Variants in ATXN7L1 observed in about 807,000 individuals in gnomAD.
ATXN7L1 encodes the protein ataxin-7-like protein 1.
In ATXN7L1, 15 loss-of-function variants were observed where a neutral mutation model predicts 70.8. The observed-to-expected ratio is 0.21, with a 90% confidence interval of 0.14 to 0.33. The LOEUF (loss-of-function observed/expected upper bound fraction) is 0.33, where lower values mean the gene tolerates loss of function less well. ATXN7L1 is among the 10% of genes least tolerant of loss of function. The probability of loss-of-function intolerance (pLI) is 1.00; values close to 1 mark genes in which losing one functional copy is unlikely to be tolerated. For synonymous variants in ATXN7L1, 440 were observed against 445.1 expected, an observed-to-expected ratio of 0.99 and a Z score of 0.14; for missense variants, 975 against 1,097.1, an observed-to-expected ratio of 0.89 and a Z score of 1.57.
At chr7:105,621,594 T>C (rs1276138646) in intron 8 of ATXN7L1, among the ~76,000 whole-genome samples, 2 of 152,230 alleles carry the variant, frequency 1.3e-5, no homozygotes, top group African/African-American at 4.8e-5. Context: ...AGATGTTTAA[T>C]AAACATTTGA....
intron 2 of ATXN7L1, among the ~76,000 whole-genome samples, chr7:105,867,550 T>A (rs1336796670): frequency 6.6e-6 from 1 of 152,160 alleles, no homozygotes; most frequent in Non-Finnish European, 1.5e-5. Context: ...GGAAGAGTCA[T>A]CTTGGGAACT....
intron 7 of ATXN7L1, among the ~76,000 whole-genome samples, chr7:105,633,305 A>T (rs1336570555): frequency 6.6e-6 from 1 of 152,248 alleles, no homozygotes; most frequent in Admixed American, 6.5e-5. Context: ...TGGATCCAGG[A>T]AACAGGCGCT....
intron 2 of ATXN7L1, among the ~76,000 whole-genome samples, chr7:105,843,005 A>G (rs1471138336): frequency 6.6e-6 from 1 of 152,060 alleles, no homozygotes; most frequent in African/African-American, 2.4e-5. Context: ...TAGGTTCTTG[A>G]TATTATGGAA....
chr7:105,773,989 G>A (rs75116381), intron 3 of ATXN7L1, among the ~76,000 whole-genome samples: 1 of 152,240 alleles, frequency 6.6e-6, no homozygotes, highest in African/African-American at 2.4e-5. Flanking sequence ...CCACAGAGGA[G>A]GGCAGCTCTG....
At chr7:105,753,089 A>T (rs1031434005) in intron 3 of ATXN7L1, among the ~76,000 whole-genome samples, 4 of 152,256 alleles carry the variant, frequency 2.6e-5, no homozygotes, top group African/African-American at 9.6e-5. Flanking sequence ...TGTGAGCCAC[A>T]GAGCTGGTGA....
chr7:105,822,942 G>A (rs914105898), intron 2 of ATXN7L1, among the ~76,000 whole-genome samples: 1 of 152,158 alleles, frequency 6.6e-6, no homozygotes, highest in Non-Finnish European at 1.5e-5. Flanking sequence ...GTATGCGCAT[G>A]TAATTTATAA....
intron 2 of ATXN7L1, among the ~76,000 whole-genome samples, chr7:105,874,699 T>C (rs1195625029): frequency 6.6e-6 from 1 of 152,240 alleles, no homozygotes; most frequent in East Asian, 1.9e-4. Flanking sequence ...TCTCAGTGGA[T>C]GGTCAGGAAA....
chr7:105,649,401 A>C (rs1799537926), intron 4 of ATXN7L1: 1 of 987,506 alleles, frequency 1.0e-6, no homozygotes, highest in South Asian at 4.7e-5. Context: ...TGGGGGCGAT[A>C]TCTACCTCTG....
At chr7:105,722,560 TAAAAAAAAAAAAAAAAAAA>T (rs56228890) in intron 3 of ATXN7L1, among the ~76,000 whole-genome samples, 229 of 20,848 alleles carry the variant, frequency 0.011, 7 homozygotes, top group African/African-American at 0.027. Context: ...GACTCTGCCT[TAAAAAAAAAAAAAAAAAAA>T]AAAAAAAAAA....
chr7:105,682,562 A>G lies in ATXN7L1; in HGVS notation c.356-17274T>C, dbSNP rs201074153. Among the ~76,000 whole-genome samples the G allele has an allele frequency of 3.2e-4, 48 of 152,302 alleles. No homozygotes were observed. The East Asian group carries it at 4.4e-3, about 14-fold the overall frequency. Reference sequence around the variant, plus strand: ...TCCATGGATGAGTGGATAAACAAACACTGTGCTACATACATACAATAAAAG... The same window carrying G: ...TCCATGGATGAGTGGATAAACAAACGCTGTGCTACATACATACAATAAAAG... On this transcript the variant is annotated intron_variant, in intron 3 of 11. Coordinates refer to ENST00000419735, the MANE Select transcript of ATXN7L1 (RefSeq NM_020725.2).
At chr7:105,727,761 T>C (rs1168503929) in intron 3 of ATXN7L1, among the ~76,000 whole-genome samples, 2 of 90,836 alleles carry the variant, frequency 2.2e-5, no homozygotes, top group Non-Finnish European at 4.3e-5. Context: ...TATATATATA[T>C]ATATATATAT....
chr7:105,653,778 C>G (rs1294957406), intron 4 of ATXN7L1, among the ~76,000 whole-genome samples: 1 of 151,982 alleles, frequency 6.6e-6, no homozygotes. Context: ...TCTCCTGTAG[C>G]CTCGCTGGAC....
At chr7:105,697,976 T>C (rs1272886743) in intron 3 of ATXN7L1, among the ~76,000 whole-genome samples, 1 of 151,724 alleles carries the variant, frequency 6.6e-6, no homozygotes, top group Non-Finnish European at 1.5e-5. Flanking sequence ...GAGCACTGTC[T>C]TTATACATGG....
chr7:105,741,760 C>T (rs1226082825), intron 3 of ATXN7L1, among the ~76,000 whole-genome samples: 1 of 152,160 alleles, frequency 6.6e-6, no homozygotes, highest in East Asian at 1.9e-4. Flanking sequence ...AGGGTGGGCC[C>T]TAATGTAATC....
chr7:105,672,090 A>C (rs541623513), intron 3 of ATXN7L1, among the ~76,000 whole-genome samples: 1 of 152,068 alleles, frequency 6.6e-6, no homozygotes, highest in East Asian at 1.9e-4. Flanking sequence ...GTTCGAGACT[A>C]GCCTGACCAA....
At chr7:105,753,766 GA>G (rs1263040068) in intron 3 of ATXN7L1, among the ~76,000 whole-genome samples, 1 of 152,220 alleles carries the variant, frequency 6.6e-6, no homozygotes, top group Non-Finnish European at 1.5e-5. Flanking sequence ...GTAAAACTGG[GA>G]AAGGATCAGG....
intron 4 of ATXN7L1, among the ~76,000 whole-genome samples, chr7:105,653,916 G>A (rs1800234412): frequency 6.6e-6 from 1 of 152,126 alleles, no homozygotes; most frequent in African/African-American, 2.4e-5. Flanking sequence ...AGATCCGGAG[G>A]AAACATCCTC....
At chr7:105,760,126 T>C in intron 3 of ATXN7L1, 1 of 905,512 alleles carries the variant, frequency 1.1e-6, no homozygotes, top group Non-Finnish European at 1.3e-6. Context: ...TATGCCAAGT[T>C]CTCCTCTTGT....
intron 2 of ATXN7L1, among the ~76,000 whole-genome samples, chr7:105,854,899 A>G (rs1416180205): frequency 6.6e-6 from 1 of 151,680 alleles, no homozygotes; most frequent in African/African-American, 2.4e-5. Context: ...ATCTTGCTAC[A>G]TTTCACTTAT....
Sources: gnomAD v4.1 joint callset for allele counts (sites outside exome capture counted in the v4.1 genomes callset) on GRCh38, gnomAD v4.1.1 for gene constraint, MANE v1.5 for transcripts, NCBI Gene and HGNC (gene_info 2026-07-23, HGNC 2026-07-21) for gene names.